The following LMO7 variants were observed in gnomAD, a reference collection of about 807,000 sequenced individuals.
LMO7 encodes the protein LIM domain only protein 7.
A neutral mutation model predicts 206.5 loss-of-function variants in LMO7; 120 were observed. That is an observed-to-expected ratio of 0.58 (90% CI 0.50 to 0.68). LMO7 has a LOEUF of 0.68. Among genes scored for constraint, LMO7 ranks in the 30% least tolerant of loss-of-function variants. LMO7 has a pLI of 0.00. For synonymous variants in LMO7, 706 were observed against 681.5 expected, an observed-to-expected ratio of 1.04 and a Z score of -0.56; for missense variants, 1,959 against 1,957.9, an observed-to-expected ratio of 1.00 and a Z score of -0.01.
chr13:75,816,021 A>G (rs776737107), intron 11 of LMO7, among the ~76,000 whole-genome samples: 1 of 152,204 alleles, frequency 6.6e-6, no homozygotes, highest in Non-Finnish European at 1.5e-5. Flanking sequence ...TCCTTTGGCA[A>G]TTGAAGTGCC....
intron 15 of LMO7, among the ~76,000 whole-genome samples, chr13:75,824,130 T>A (rs1354491342): frequency 6.6e-6 from 1 of 152,178 alleles, no homozygotes; most frequent in Non-Finnish European, 1.5e-5. Context: ...GCTGGTGTTT[T>A]CTCTATATTC....
At chr13:75,773,616 A>G (rs899692198) in intron 4 of LMO7, among the ~76,000 whole-genome samples, 1 of 152,208 alleles carries the variant, frequency 6.6e-6, no homozygotes, top group Admixed American at 6.5e-5. Flanking sequence ...CAAGTGAAGG[A>G]GAAAGAAGAG....
intron 15 of LMO7, among the ~76,000 whole-genome samples, chr13:75,829,795 C>T (rs1174499770): frequency 6.6e-6 from 1 of 152,064 alleles, no homozygotes; most frequent in East Asian, 1.9e-4. Flanking sequence ...CAAACCTCCT[C>T]ATGTTTTTGC....
At chr13:75,662,494 T>G (rs2038694921) in intron 1 of LMO7, among the ~76,000 whole-genome samples, 1 of 152,128 alleles carries the variant, frequency 6.6e-6, no homozygotes, top group Non-Finnish European at 1.5e-5. Context: ...AATTTTTGTA[T>G]TTTTTGCAGA....
chr13:75,790,983 C>CA (rs1566467169), intron 4 of LMO7, among the ~76,000 whole-genome samples: 3 of 145,898 alleles, frequency 2.1e-5, no homozygotes, highest in Non-Finnish European at 3.0e-5. Flanking sequence ...ATATCTACCC[C>CA]TTTTTTTTTT....
chr13:75,844,389 T>C (rs938021965), intron 25 of LMO7, among the ~76,000 whole-genome samples: 3 of 150,806 alleles, frequency 2.0e-5, no homozygotes, highest in Non-Finnish European at 3.0e-5. Flanking sequence ...ATTACTACTA[T>C]TATTTTCTTT....
intron 3 of LMO7, among the ~76,000 whole-genome samples, chr13:75,751,432 T>A (rs781281663): frequency 6.6e-6 from 1 of 152,128 alleles, no homozygotes; most frequent in Non-Finnish European, 1.5e-5. Context: ...AGTGCAGGGA[T>A]TACAGGCATG....
rs781188579 is a variant in LMO7, at chr13:75,760,967, G to A, written c.246G>A (p.Gln82=). Reference sequence around the variant, plus strand: ...ACGTTTTCTTGAAAGCTTGTGAACAGATTGGATTGAAAGAAGCCCAGCTTT... The same window carrying A: ...ACGTTTTCTTGAAAGCTTGTGAACAAATTGGATTGAAAGAAGCCCAGCTTT... ...NINVFLKACE[Q]IGLKEAQLFH... The change falls in exon 4 of 31, where the codon CAG becomes CAA. Residue 82 remains glutamine, a synonymous_variant. Coordinates refer to ENST00000377534, the MANE Select transcript of LMO7 (RefSeq NM_001306080.2). 2.2e-5 allele frequency: 35 copies of A among 1,613,476 alleles called. No individual in the cohort carries two copies. The highest frequency in any genetic ancestry group is 5.0e-5 in the Admixed American group (3 of 59,872).
intron 29 of LMO7, 58 bp downstream of exon 29, chr13:75,855,426 C>A: frequency 9.3e-7 from 1 of 1,076,340 alleles, no homozygotes; most frequent in Non-Finnish European, 1.4e-6. Context: ...GAGCGCATGG[C>A]TGCTTTGAGC....
chr13:75,724,019 G>A (rs1457773434), intron 2 of LMO7, among the ~76,000 whole-genome samples: 1 of 152,030 alleles, frequency 6.6e-6, no homozygotes, highest in Non-Finnish European at 1.5e-5. Flanking sequence ...TCTTTTATGA[G>A]GGACCTAATC....
At chr13:75,637,809 A>T (rs2036103961) in intron 1 of LMO7, among the ~76,000 whole-genome samples, 1 of 152,222 alleles carries the variant, frequency 6.6e-6, no homozygotes, top group Non-Finnish European at 1.5e-5. Flanking sequence ...TAAATAAAGG[A>T]ATGTGAAATG....
At chr13:75,725,101 C>G (rs142263213) in intron 2 of LMO7, among the ~76,000 whole-genome samples, 33 of 152,238 alleles carry the variant, frequency 2.2e-4, no homozygotes, top group African/African-American at 7.9e-4. Flanking sequence ...CTTCCCTTGG[C>G]TGACCAAATT....
intron 1 of LMO7, among the ~76,000 whole-genome samples, chr13:75,703,163 A>G (rs1291673614): frequency 1.3e-5 from 2 of 152,026 alleles, no homozygotes; most frequent in Non-Finnish European, 2.9e-5. Flanking sequence ...CCCCCCCAAC[A>G]CACACCTGAA....
At chr13:75,771,585 T>TTTTAAAGACTTTAAAAACAG (rs1178310800) in intron 4 of LMO7, among the ~76,000 whole-genome samples, 8 of 151,882 alleles carry the variant, frequency 5.3e-5, no homozygotes, top group South Asian at 4.1e-4. Flanking sequence ...AAAACAGAAT[T>TTTTAAAGACTTTAAAAACAG]AGTAAGTATA....
chr13:75,728,699 C>A (rs1391840659), intron 3 of LMO7, among the ~76,000 whole-genome samples: 1 of 133,624 alleles, frequency 7.5e-6, no homozygotes, highest in African/African-American at 3.1e-5. Context: ...AAGTCCTTGC[C>A]CATGCCTATA....
At chr13:75,787,410 T>C (rs999481595) in intron 4 of LMO7, among the ~76,000 whole-genome samples, 4 of 152,240 alleles carry the variant, frequency 2.6e-5, no homozygotes, top group South Asian at 2.1e-4. Context: ...TGTCTTTGAA[T>C]GCGTGTGTGT....
chr13:75,840,510 C>T lies in LMO7; in HGVS notation c.3582+15C>T, dbSNP rs182936721. 1.7e-5 allele frequency: 27 copies of T among 1,612,576 alleles called. No individual in the cohort carries two copies. Among genetic ancestry groups the T allele is most frequent in the East Asian group, 4.5e-5 (2 of 44,834 alleles). On this transcript the variant is annotated intron_variant, in intron 22 of 30. Coordinates refer to ENST00000377534, the MANE Select transcript of LMO7 (RefSeq NM_001306080.2). ...GCCTACTGCAGGTAGCTCTGGCTCA[C>T]GTGGACGGGTAGAAACTAGGTTGGA...
chr13:75,844,977 C>G (rs1389506105), intron 25 of LMO7, among the ~76,000 whole-genome samples: 4 of 152,144 alleles, frequency 2.6e-5, no homozygotes, highest in Admixed American at 2.6e-4. Flanking sequence ...TGTAGGTGAT[C>G]TGATGGCAGA....
chr13:75,856,479 A>T, intron 29 of LMO7, 27 bp from the exon 30 acceptor site: 1 of 1,366,878 alleles, frequency 7.3e-7, no homozygotes. Flanking sequence ...GACTGATTGT[A>T]GATGTTCTTT....
Sources: allele counts gnomAD v4.1 joint callset (sites outside exome capture counted in the v4.1 genomes callset), GRCh38; gene constraint gnomAD v4.1.1; transcripts MANE v1.5; gene names NCBI Gene and HGNC (gene_info 2026-07-23, HGNC 2026-07-21).